ATG4C: variants seen among roughly 807,000 people sequenced by gnomAD.
ATG4C encodes the protein cysteine protease ATG4C.
A neutral mutation model predicts 57.6 loss-of-function variants in ATG4C; 56 were observed. That is an observed-to-expected ratio of 0.97 (90% confidence interval 0.78 to 1.21). The LOEUF (loss-of-function observed/expected upper bound fraction) is 1.21, where lower values mean the gene tolerates loss of function less well. Ranked by LOEUF, ATG4C falls within the 50% of genes most tolerant of loss-of-function variation. The pLI, the probability that ATG4C is intolerant of heterozygous loss-of-function variation, is 0.00. For synonymous variants in ATG4C, 157 were observed against 174.1 expected (o/e 0.90, Z 0.78); for missense variants, 595 against 529.8 (o/e 1.12, Z -1.21).
intron 7 of ATG4C, among the ~76,000 whole-genome samples, 154 bp from the exon 8 acceptor site, chr1:62,833,884 A>G (rs1205424997): frequency 1.3e-5 from 2 of 152,178 alleles, no homozygotes; most frequent in Non-Finnish European, 2.9e-5. Context: ...AGTTTGGAAG[A>G]CAAGTGGATT....
chr1:62,854,761 G>GT (rs1666632022), intron 10 of ATG4C, among the ~76,000 whole-genome samples: 1 of 152,068 alleles, frequency 6.6e-6, no homozygotes, highest in African/African-American at 2.4e-5. Flanking sequence ...TTGCCTTTTT[G>GT]TTGGGTGACC....
At chr1:62,837,375 G>A (rs1415523320) in intron 9 of ATG4C, among the ~76,000 whole-genome samples, 2 of 152,122 alleles carry the variant, frequency 1.3e-5, no homozygotes, top group African/African-American at 4.8e-5. Context: ...GGTTCAGTGT[G>A]AGGGCACATT....
intron 4 of ATG4C, among the ~76,000 whole-genome samples, chr1:62,818,124 T>C (rs1017405170): frequency 6.6e-6 from 1 of 152,186 alleles, no homozygotes; most frequent in African/African-American, 2.4e-5. Flanking sequence ...TGTCTTGTTA[T>C]TCAAAACAGT....
chr1:62,820,903 T>A (rs1263518954), intron 5 of ATG4C, among the ~76,000 whole-genome samples: 2 of 152,056 alleles, frequency 1.3e-5, no homozygotes, highest in Non-Finnish European at 2.9e-5. Context: ...TAATTTTTTT[T>A]AATGTATTTT....
intron 1 of ATG4C, among the ~76,000 whole-genome samples, chr1:62,790,029 C>T (rs1664223994): frequency 6.6e-6 from 1 of 151,914 alleles, no homozygotes; most frequent in African/African-American, 2.4e-5. Flanking sequence ...ATTCTCCTGC[C>T]TCAGCCTCCC....
At chr1:62,863,510 A>G (rs1174435563) in intron 10 of ATG4C, among the ~76,000 whole-genome samples, 2 of 152,042 alleles carry the variant, frequency 1.3e-5, no homozygotes, top group African/African-American at 2.4e-5. Flanking sequence ...TTATTCAGGT[A>G]GAGTGATGTG....
chr1:62,784,972 C>T (rs944945079), intron 1 of ATG4C, among the ~76,000 whole-genome samples: 13 of 152,202 alleles, frequency 8.5e-5, no homozygotes, highest in Admixed American at 8.5e-4. Flanking sequence ...CTTGTGATTT[C>T]TTTGGCTTAC....
intron 7 of ATG4C, among the ~76,000 whole-genome samples, chr1:62,831,483 C>T (rs1665836812): frequency 1.3e-5 from 2 of 152,112 alleles, no homozygotes; most frequent in South Asian, 4.1e-4. Context: ...CATCCTGCTA[C>T]ATTGTATGAG....
intron 10 of ATG4C, among the ~76,000 whole-genome samples, chr1:62,847,714 A>G: frequency 6.6e-6 from 1 of 152,154 alleles, no homozygotes; most frequent in Admixed American, 6.6e-5. Context: ...AGTGAACAGT[A>G]GAGTTTGGCG....
chr1:62,843,791 A>G (rs1572160903), intron 10 of ATG4C, among the ~76,000 whole-genome samples: 1 of 152,326 alleles, frequency 6.6e-6, no homozygotes, highest in East Asian at 1.9e-4. Context: ...AACAAGGTGT[A>G]AAACTTCCAT....
intron 10 of ATG4C, among the ~76,000 whole-genome samples, chr1:62,843,568 G>A (rs1263746262): frequency 6.6e-6 from 1 of 151,992 alleles, no homozygotes; most frequent in African/African-American, 2.4e-5. Flanking sequence ...TATCTTTTCA[G>A]TTTTCTCATT....
intron 10 of ATG4C, among the ~76,000 whole-genome samples, chr1:62,850,852 A>ATGTATGTG (rs1553230139): frequency 2.1e-5 from 2 of 94,658 alleles, no homozygotes; most frequent in African/African-American, 7.3e-5. Context: ...GTGTGTATGT[A>ATGTATGTG]TGTATATATA....
intron 9 of ATG4C, among the ~76,000 whole-genome samples, chr1:62,840,345 T>G (rs746984244): frequency 3.9e-5 from 6 of 152,182 alleles, no homozygotes; most frequent in Non-Finnish European, 7.4e-5. Flanking sequence ...TAATTGAGCT[T>G]GTTCTTTAAT....
Position 62,835,238 on chromosome 1 carries a change from C to T in ATG4C, c.1089+386C>T, listed in dbSNP as rs565371795. 1.4e-4 allele frequency: 28 copies of T among 202,670 alleles called. No individual in the cohort carries two copies. The East Asian group carries it at 2.1e-3, about 15-fold the overall frequency. 12.6% of individuals were successfully genotyped at this position (202,670 alleles called of 1,614,324 possible). ...GGATAGACGGGTTAGAGTAACAAAG[C>T]GACTTAATGCGGTTATCTGCTAAAT... On this transcript the variant is annotated intron_variant, in intron 9 of 10. Coordinates refer to ENST00000317868, the MANE Select transcript of ATG4C (RefSeq NM_032852.4).
At chr1:62,792,599 A>G (rs937254216) in intron 1 of ATG4C, among the ~76,000 whole-genome samples, 4 of 152,236 alleles carry the variant, frequency 2.6e-5, no homozygotes, top group Non-Finnish European at 4.4e-5. Context: ...TGTAGTTACT[A>G]TGGATACTCT....
At chr1:62,836,240 G>A (rs534517830) in intron 9 of ATG4C, among the ~76,000 whole-genome samples, 16 of 152,150 alleles carry the variant, frequency 1.1e-4, no homozygotes, top group African/African-American at 3.6e-4. Context: ...TTTGAAGTAG[G>A]CTGGTGATAG....
At chr1:62,831,362 G>A (rs1369922509) in intron 7 of ATG4C, among the ~76,000 whole-genome samples, 3 of 152,088 alleles carry the variant, frequency 2.0e-5, no homozygotes, top group Non-Finnish European at 2.9e-5. Flanking sequence ...ATGGTCAGCC[G>A]TTGTATTTTT....
chr1:62,816,496 C>T, intron 3 of ATG4C, 79 bp from the exon 4 acceptor site: 2 of 983,640 alleles, frequency 2.0e-6, no homozygotes, highest in Non-Finnish European at 2.9e-6. Flanking sequence ...TACTTCACAT[C>T]TTAAGACAGT....
At chr1:62,828,001 A>G (rs955442033) in intron 6 of ATG4C, among the ~76,000 whole-genome samples, 4 of 152,156 alleles carry the variant, frequency 2.6e-5, no homozygotes, top group Non-Finnish European at 5.9e-5. Flanking sequence ...ATTCTTTTTT[A>G]TGGCTGCATA....
Sources: allele counts gnomAD v4.1 joint callset (sites outside exome capture counted in the v4.1 genomes callset), GRCh38; gene constraint gnomAD v4.1.1; transcripts MANE v1.5; gene names NCBI Gene and HGNC (gene_info 2026-07-23, HGNC 2026-07-21).